Variants in NXPE2 observed in about 807,000 individuals in gnomAD.
The protein encoded by NXPE2 is NXPE family member 2.
NXPE2 carries 34 observed loss-of-function variants against 34.4 expected under a neutral mutation model. The observed-to-expected ratio is 0.99, with a 90% CI of 0.75 to 1.31. The LOEUF (loss-of-function observed/expected upper bound fraction) is 1.31, where lower values mean the gene tolerates loss of function less well. Among genes scored for constraint, NXPE2 ranks in the 40% most tolerant of loss-of-function variants. The pLI is 0.00. For synonymous variants in NXPE2, 235 were observed against 231.3 expected (o/e 1.02, Z -0.15); for missense variants, 649 against 672.5 (o/e 0.97, Z 0.39).
the NXPE2 span, chr11:114,522,482 T>A: frequency 9.3e-5 from 149 of 1,601,790 alleles, no homozygotes; most frequent in Non-Finnish European, 1.1e-4. Flanking sequence ...TCCAGTTTCA[T>A]GAAGATCAAA....
intron 3 of NXPE2, among the ~76,000 whole-genome samples, chr11:114,703,198 C>T (rs12287228): frequency 0.35 from 53,280 of 152,026 alleles, 9,376 homozygotes; most frequent in East Asian, 0.42. Context: ...TGTAGACACT[C>T]ATAGGAGATT....
chr11:114,743,795 ATG>A, the NXPE2 span, among the ~76,000 whole-genome samples: 16,203 of 150,912 alleles, frequency 0.11, 978 homozygotes, highest in Middle Eastern at 0.16. Context: ...TATTATGTAT[ATG>A]TGTGTGTGTG....
At chr11:114,532,779 T>A in the NXPE2 span, among the ~76,000 whole-genome samples, 11 of 152,136 alleles carry the variant, frequency 7.2e-5, no homozygotes, top group East Asian at 2.1e-3. Flanking sequence ...TATATACAGG[T>A]GTGTGTGCAT....
chr11:114,603,477 C>A, the NXPE2 span, among the ~76,000 whole-genome samples: 1 of 150,274 alleles, frequency 6.7e-6, no homozygotes, highest in African/African-American at 2.5e-5. Flanking sequence ...AGTATTGCCT[C>A]GTCTCCTAGG....
the NXPE2 span, among the ~76,000 whole-genome samples, chr11:114,615,942 G>T: frequency 2.0e-5 from 3 of 150,276 alleles, no homozygotes; most frequent in African/African-American, 7.4e-5. Flanking sequence ...TCGACTTATG[G>T]GTAACCACTG....
the NXPE2 span, among the ~76,000 whole-genome samples, chr11:114,577,030 T>C: frequency 3.6e-5 from 1 of 28,026 alleles, no homozygotes; most frequent in African/African-American, 1.8e-4. Flanking sequence ...TATATATACA[T>C]ATATATATAT....
chr11:114,464,881 A>G, the NXPE2 span, among the ~76,000 whole-genome samples: 1 of 152,208 alleles, frequency 6.6e-6, no homozygotes, highest in African/African-American at 2.4e-5. Context: ...CAATAGACAA[A>G]TGAAGAAAGC....
At chr11:114,792,187 A>T in the NXPE2 span, among the ~76,000 whole-genome samples, 1 of 152,342 alleles carries the variant, frequency 6.6e-6, no homozygotes, top group African/African-American at 2.4e-5. Flanking sequence ...TGGCAGATTT[A>T]AAAAGGGGTA....
At chr11:114,478,442 G>T in the NXPE2 span, among the ~76,000 whole-genome samples, 1 of 152,114 alleles carries the variant, frequency 6.6e-6, no homozygotes, top group African/African-American at 2.4e-5. Context: ...TTTTCTAAAG[G>T]AAATGCTCCA....
the NXPE2 span, among the ~76,000 whole-genome samples, chr11:114,805,084 A>C: frequency 6.6e-6 from 1 of 152,074 alleles, no homozygotes; most frequent in Non-Finnish European, 1.5e-5. Flanking sequence ...GTACAATCAG[A>C]GCTCACTCCT....
the NXPE2 span, among the ~76,000 whole-genome samples, chr11:114,794,569 G>T: frequency 6.6e-6 from 1 of 152,106 alleles, no homozygotes. Context: ...GGAGAACCAG[G>T]CTTGAAAAAT....
chr11:114,583,959 C>T, the NXPE2 span: 1 of 382,446 alleles, frequency 2.6e-6, no homozygotes, highest in Non-Finnish European at 5.1e-6. Flanking sequence ...GATGATGAGT[C>T]CTATGAGGCC....
the NXPE2 span, chr11:114,581,868 A>C: frequency 1.1e-6 from 1 of 921,630 alleles, no homozygotes; most frequent in Non-Finnish European, 1.7e-6. Context: ...CCAGTGCCTC[A>C]GTTATTTCTT....
the NXPE2 span, among the ~76,000 whole-genome samples, chr11:114,601,759 ATGTG>A: frequency 2.8e-5 from 2 of 71,102 alleles, no homozygotes; most frequent in African/African-American, 5.9e-5. Context: ...TATAATATAT[ATGTG>A]ATTATATATT....
In NXPE2 at chr11:114,706,668, T is replaced by C. The variant is rs964690302; in HGVS notation, c.1418T>C (p.Ile473Thr). Residue 473 changes from isoleucine (I) to threonine (T), a missense_variant, in exon 6 of 6, where the codon ATT becomes ACT. Physicochemically the swap from Ile to Thr is moderately conservative, Grantham distance 89. Coordinates refer to ENST00000389586, the MANE Select transcript of NXPE2 (RefSeq NM_182495.6). Reference protein sequence around the residue: ...IRRAINIQKAIERLFLRSPET... With the variant: ...IRRAINIQKATERLFLRSPET... The stretch of plus-strand genomic sequence containing the variant: ...AGGGCCATCAATATTCAAAAGGCCA[T>C]TGAACGTCTATTCTTGCGAAGCCCG... The C allele has an allele frequency of 1.3e-6, 2 of 1,552,054 alleles. No individual in the cohort carries two copies. Among genetic ancestry groups the C allele is most frequent in the East Asian group, 4.9e-5 (2 of 41,064 alleles).
chr11:114,619,466 G>T, the NXPE2 span, among the ~76,000 whole-genome samples: 52 of 149,520 alleles, frequency 3.5e-4, no homozygotes, highest in African/African-American at 1.3e-3. Flanking sequence ...TGCCTCGTGG[G>T]TAACCACTGT....
chr11:114,533,380 T>A, the NXPE2 span, among the ~76,000 whole-genome samples: 8 of 152,100 alleles, frequency 5.3e-5, no homozygotes, highest in Non-Finnish European at 1.2e-4. Flanking sequence ...GACGGGTGAT[T>A]TCTGAATTTC....
At chr11:114,522,762 A>G in the NXPE2 span, 1 of 737,984 alleles carries the variant, frequency 1.4e-6, no homozygotes. Context: ...AAAGGTTCAA[A>G]TCCAGAGAGC....
At chr11:114,744,577 G>A in the NXPE2 span, among the ~76,000 whole-genome samples, 9 of 152,102 alleles carry the variant, frequency 5.9e-5, no homozygotes, top group African/African-American at 9.7e-5. Context: ...GGGAGGCTGC[G>A]GCGGGTTGAG....
Sources: allele counts gnomAD v4.1 joint callset (sites outside exome capture counted in the v4.1 genomes callset), GRCh38; gene constraint gnomAD v4.1.1; transcripts MANE v1.5; gene names NCBI Gene and HGNC (gene_info 2026-07-23, HGNC 2026-07-21).